The following GOLGA3 variants were observed in gnomAD, a reference collection of about 807,000 sequenced individuals.
The protein encoded by GOLGA3 is golgin A3, also known as golgin subfamily A member 3.
GOLGA3 carries 75 observed loss-of-function variants against 169.4 expected under a neutral mutation model. The ratio of observed to expected loss-of-function variants is 0.44; its 90% CI spans 0.37 to 0.54. The LOEUF (loss-of-function observed/expected upper bound fraction) is 0.54. Ranked by LOEUF, GOLGA3 falls within the 20% of genes least tolerant of loss-of-function variation. The pLI, the probability that GOLGA3 is intolerant of heterozygous loss-of-function variation, is 0.00. For missense variants in GOLGA3, 1,899 were observed against 1,930.0 expected (o/e 0.98, Z 0.30); for synonymous variants, 824 against 822.4 (o/e 1.00, Z -0.03).
At chr12:132,773,441 C>G in intron 23 of GOLGA3, 147 bp from the exon 24 acceptor site, 4 of 445,886 alleles carry the variant, frequency 9.0e-6, no homozygotes, top group South Asian at 9.9e-5. Flanking sequence ...AGAAGCTCAG[C>G]TGTTCTCAGC....
At chr12:132,813,166 T>A in intron 4 of GOLGA3, 141 bp downstream of exon 4, 1 of 628,562 alleles carries the variant, frequency 1.6e-6, no homozygotes, top group Non-Finnish European at 2.9e-6. Context: ...ATTGGCAGAT[T>A]TAGAAATAAA....
Position 132,828,786 on chromosome 12 carries a change from GCC to G in GOLGA3, c.-184+15_-184+16del, listed in dbSNP as rs1275438248. The G allele has an allele frequency of 6.9e-6, 1 of 145,100 alleles. No individual in the cohort carries two copies. The highest frequency in any genetic ancestry group is 1.5e-5 in the Non-Finnish European group (1 of 68,082). 9.0% of individuals were successfully genotyped at this position (145,100 alleles called of 1,614,324 possible). A position where few individuals can be genotyped will look rare whatever the true frequency, so the allele number is the denominator to read the frequency against. The stretch of plus-strand genomic sequence containing the variant: ...GGAGCCCGAGCCCCGAGGCGCCGCG[GCC>G]TCCGAGCCCCTCACCCTGCTGCTCT... On this transcript the variant is annotated intron_variant, in intron 1 of 23. Transcript: ENST00000450791.
At chr12:132,798,578 C>T in intron 8 of GOLGA3, 101 bp from the exon 9 acceptor site, 1 of 1,025,772 alleles carries the variant, frequency 9.7e-7, no homozygotes. Context: ...CACTGGCTGC[C>T]CCCTCAGTGT....
chr12:132,821,619 C>G (rs1034401957), intron 2 of GOLGA3, among the ~76,000 whole-genome samples: 1 of 151,886 alleles, frequency 6.6e-6, no homozygotes, highest in African/African-American at 2.4e-5. Context: ...GAGGCTGAGG[C>G]TGAGGCGGGC....
Position 132,769,363 on chromosome 12 carries a change from G to C in GOLGA3, c.*3742C>G, listed in dbSNP as rs1190172380. ...TGTTTTTGTTTTTAAAGACCTCAGG[G>C]AACTAGAACTCGGTTGTGGGAACCC... On this transcript the variant is annotated 3_prime_UTR_variant, in exon 24 of 24. Transcript: ENST00000450791. 2 of 152,212 alleles carry C rather than the reference G, an allele frequency of 1.3e-5. No individual in the cohort carries two copies. Among genetic ancestry groups the C allele is most frequent in the Non-Finnish European group, 2.9e-5 (2 of 68,046 alleles). 9.4% of individuals were successfully genotyped at this position (152,212 alleles called of 1,614,324 possible). A position where few individuals can be genotyped will look rare whatever the true frequency, so the allele number is the denominator to read the frequency against.
intron 3 of GOLGA3, among the ~76,000 whole-genome samples, chr12:132,814,083 G>C (rs1392822047): frequency 7.1e-6 from 1 of 141,724 alleles, no homozygotes; most frequent in Non-Finnish European, 1.5e-5. Context: ...GGAGTGCAAT[G>C]GTGCGATCTC....
chr12:132,801,995 C>A, intron 7 of GOLGA3, 26 bp from the exon 8 acceptor site: 1 of 1,581,472 alleles, frequency 6.3e-7, no homozygotes, highest in Non-Finnish European at 8.6e-7. Context: ...CACAGCGGCT[C>A]AGGCCAGCGA....
intron 8 of GOLGA3, among the ~76,000 whole-genome samples, chr12:132,799,109 G>A (rs1289668997): frequency 2.0e-5 from 3 of 152,216 alleles, no homozygotes; most frequent in Non-Finnish European, 2.9e-5. Flanking sequence ...GCTCCATGCT[G>A]CTTCCTGGAG....
intron 1 of GOLGA3, among the ~76,000 whole-genome samples, chr12:132,825,035 C>T (rs1950353239): frequency 6.6e-6 from 1 of 152,300 alleles, no homozygotes; most frequent in South Asian, 2.1e-4. Context: ...GAGGACTACA[C>T]GCGGTGGAAT....
In GOLGA3 at chr12:132,774,786, T is replaced by A. The variant is rs1295842744; in HGVS notation, c.4143+355A>T. The A allele has an allele frequency of 3.7e-5, 17 of 453,870 alleles. 1 individual carries two copies. In the South Asian group the frequency reaches 4.2e-4, roughly 11 times the overall value. 28.1% of individuals were successfully genotyped at this position (453,870 alleles called of 1,614,324 possible). On this transcript the variant is annotated intron_variant, in intron 22 of 23. Coordinates refer to ENST00000450791, the MANE Select transcript of GOLGA3 (RefSeq NM_001389683.1). ...CCTCCCACCTGCCTCCTGGAAAACATGGATGTGGACCGAGCACAGAAAACC... is the reference window on the plus strand; with the variant it reads ...CCTCCCACCTGCCTCCTGGAAAACAAGGATGTGGACCGAGCACAGAAAACC...
At chr12:132,821,671 G>A (rs1424413589) in intron 2 of GOLGA3, among the ~76,000 whole-genome samples, 10 of 151,628 alleles carry the variant, frequency 6.6e-5, no homozygotes, top group Admixed American at 3.3e-4. Context: ...TGGCTAACAC[G>A]GTGAAACCCC....
chr12:132,808,632 C>T (rs559993007), intron 4 of GOLGA3, 83 bp from the exon 5 acceptor site: 2 of 1,059,390 alleles, frequency 1.9e-6, no homozygotes, highest in African/African-American at 1.6e-5. Flanking sequence ...AAGGTGGCAC[C>T]GATCACTACT....
chr12:132,798,308 C>T (rs12370060), intron 9 of GOLGA3, 32 bp downstream of exon 9: 1 of 1,586,754 alleles, frequency 6.3e-7, no homozygotes, highest in East Asian at 2.2e-5. Context: ...GTCTGTTCTC[C>T]TAAGCTTCCA....
chr12:132,809,113 G>A (rs564987423), intron 4 of GOLGA3, among the ~76,000 whole-genome samples: 12 of 152,076 alleles, frequency 7.9e-5, no homozygotes, highest in South Asian at 4.1e-4. Context: ...TCCACTGGAC[G>A]GGGGCCCTTC....
rs752245819 is a variant in GOLGA3 at position 132,808,013 on chromosome 12, C to T, written c.1056G>A (p.Ala352=). ...PYMVNGQEIP[A]DTLGQFPSIK... is the part of the protein sequence containing the mutation. ...TGGAGGGGAACTGGCCCAGGGTATC[C>T]GCAGGAATCTCCTGGCCGTTGACCA... is the stretch of plus-strand genomic sequence containing the variant. The change falls in exon 5 of 24, where the codon GCG becomes GCA. Residue 352 remains alanine, a synonymous_variant. Coordinates refer to ENST00000450791, the MANE Select transcript of GOLGA3 (RefSeq NM_001389683.1). 1.1e-5 allele frequency: 18 copies of T among 1,611,228 alleles called. No individual in the cohort carries two copies. Among genetic ancestry groups the T allele is most frequent in the Middle Eastern group, 1.7e-4 (1 of 6,048 alleles).
intron 4 of GOLGA3, among the ~76,000 whole-genome samples, chr12:132,808,871 G>T (rs1484587057): frequency 1.3e-5 from 2 of 152,200 alleles, no homozygotes; most frequent in Non-Finnish European, 2.9e-5. Context: ...GCCCCACAGG[G>T]TCAGTGGGTC....
intron 11 of GOLGA3, among the ~76,000 whole-genome samples, chr12:132,792,588 G>C (rs1344206333): frequency 6.6e-6 from 1 of 151,540 alleles, no homozygotes; most frequent in Admixed American, 6.6e-5. Context: ...GCACTCAGAG[G>C]GCTCCACACA....
chr12:132,779,599 C>T (rs1043182328), intron 18 of GOLGA3, among the ~76,000 whole-genome samples: 7 of 152,174 alleles, frequency 4.6e-5, no homozygotes, highest in African/African-American at 7.2e-5. Context: ...TCAATTCAAA[C>T]GGGATTTAAA....
intron 11 of GOLGA3, 89 bp from the exon 12 acceptor site, chr12:132,791,382 G>A: frequency 2.9e-6 from 2 of 695,810 alleles, no homozygotes. Context: ...CTCCAGGAGG[G>A]GAACACATCT....
Sources: gnomAD v4.1 joint callset for allele counts (sites outside exome capture counted in the v4.1 genomes callset) on GRCh38, gnomAD v4.1.1 for gene constraint, MANE v1.5 for transcripts, NCBI Gene and HGNC (gene_info 2026-07-23, HGNC 2026-07-21) for gene names.